GULP1: variants seen among roughly 807,000 people sequenced by gnomAD.
The protein encoded by GULP1 is GULP PTB domain containing engulfment adaptor 1.
GULP1 carries 19 observed loss-of-function variants against 40.9 expected under a neutral mutation model. The observed-to-expected ratio is 0.46, with a 90% CI of 0.32 to 0.68. GULP1 has a LOEUF of 0.68. GULP1 is among the 30% of genes least tolerant of loss of function. GULP1 has a pLI of 0.03. For missense variants in GULP1, 312 were observed against 362.2 expected, an observed-to-expected ratio of 0.86 and a Z score of 1.12; for synonymous variants, 119 against 117.6, an observed-to-expected ratio of 1.01 and a Z score of -0.08.
intron 7 of GULP1, among the ~76,000 whole-genome samples, chr2:188,546,836 A>G (rs1043012323): frequency 6.6e-6 from 1 of 152,026 alleles, no homozygotes; most frequent in African/African-American, 2.4e-5. Flanking sequence ...GAGAAGACAC[A>G]AGTTACCAAT....
chr2:188,509,875 C>T (rs2064325842), intron 4 of GULP1, among the ~76,000 whole-genome samples: 1 of 151,996 alleles, frequency 6.6e-6, no homozygotes, highest in Non-Finnish European at 1.5e-5. Flanking sequence ...GTGTGTGTAG[C>T]CTGTGGCAGC....
chr2:188,576,339 T>C lies in GULP1; in HGVS notation c.609+6219T>C, dbSNP rs1238838871. 2.0e-5 allele frequency among the ~76,000 whole-genome samples: 3 copies of C among 152,106 alleles called. No homozygotes were observed. In the South Asian group the frequency reaches 6.2e-4, roughly 32 times the overall value. ...CTTTGGTCACTGTGAGCTTATGTAA[T>C]TGAGTTCTAGCTAAAGAAAATAATA... On this transcript the variant is annotated intron_variant, in intron 9 of 11. Transcript: ENST00000409830.
At chr2:188,360,212 T>A (rs2045907108) in intron 1 of GULP1, among the ~76,000 whole-genome samples, 1 of 152,116 alleles carries the variant, frequency 6.6e-6, no homozygotes, top group South Asian at 2.1e-4. Flanking sequence ...GTGCCACTCA[T>A]GACTAAAACG....
chr2:188,317,085 G>A (rs2039200078), intron 1 of GULP1, among the ~76,000 whole-genome samples: 1 of 152,092 alleles, frequency 6.6e-6, no homozygotes, highest in South Asian at 2.1e-4. Flanking sequence ...AGCAAAATCG[G>A]TTTTTATCTC....
intron 1 of GULP1, among the ~76,000 whole-genome samples, chr2:188,320,915 GAA>G (rs201678768): frequency 2.2e-5 from 3 of 135,354 alleles, no homozygotes; most frequent in Non-Finnish European, 1.6e-5. Context: ...TCCTCCTCCA[GAA>G]AAAAAAAAAC....
At chr2:188,494,604 AC>A (rs1297887675) in intron 4 of GULP1, among the ~76,000 whole-genome samples, 1 of 151,470 alleles carries the variant, frequency 6.6e-6, no homozygotes, top group Non-Finnish European at 1.5e-5. Context: ...CATCAGGTGG[AC>A]CTCCTCTTCT....
At chr2:188,552,022 AT>A (rs896148708) in intron 7 of GULP1, among the ~76,000 whole-genome samples, 1,666 of 147,102 alleles carry the variant, frequency 0.011, 38 homozygotes, top group African/African-American at 0.038. Flanking sequence ...AAATGGGAAC[AT>A]TTTTTTTTTC....
chr2:188,435,035 ACT>A (rs1371409893), intron 2 of GULP1, among the ~76,000 whole-genome samples: 1 of 151,738 alleles, frequency 6.6e-6, no homozygotes, highest in Non-Finnish European at 1.5e-5. Flanking sequence ...TAATTTTGTA[ACT>A]CTCAATTCTG....
At chr2:188,510,089 C>T (rs1157162599) in intron 4 of GULP1, among the ~76,000 whole-genome samples, 1 of 151,936 alleles carries the variant, frequency 6.6e-6, no homozygotes, top group Non-Finnish European at 1.5e-5. Flanking sequence ...AATCTTCTCT[C>T]CAAAAGGGAA....
chr2:188,459,362 T>C (rs2152954948), intron 2 of GULP1, among the ~76,000 whole-genome samples: 1 of 152,282 alleles, frequency 6.6e-6, no homozygotes, highest in Non-Finnish European at 1.5e-5. Context: ...CATTTTTTAT[T>C]GCCTGTCTTT....
intron 2 of GULP1, among the ~76,000 whole-genome samples, chr2:188,399,843 T>A (rs1287100025): frequency 6.6e-6 from 1 of 152,148 alleles, no homozygotes; most frequent in Non-Finnish European, 1.5e-5. Flanking sequence ...ATTTGTTCTT[T>A]CTTGTGTACA....
intron 1 of GULP1, among the ~76,000 whole-genome samples, chr2:188,337,132 C>A (rs868388702): frequency 2.7e-4 from 29 of 108,254 alleles, no homozygotes; most frequent in African/African-American, 8.6e-4. Context: ...ATATCTATAT[C>A]TATATCTATC....
At chr2:188,533,709 A>G (rs1688149842) in intron 6 of GULP1, among the ~76,000 whole-genome samples, 1 of 152,228 alleles carries the variant, frequency 6.6e-6, no homozygotes. Flanking sequence ...AGAATGGGAT[A>G]AAGTATTTGC....
intron 1 of GULP1, among the ~76,000 whole-genome samples, chr2:188,379,824 G>A (rs142206003): frequency 6.6e-4 from 100 of 152,174 alleles, no homozygotes; most frequent in African/African-American, 2.2e-3. Context: ...TGGCGTGTTC[G>A]TTCTTATTCC....
intron 2 of GULP1, among the ~76,000 whole-genome samples, chr2:188,416,902 G>A (rs12474692): frequency 0.48 from 73,544 of 151,952 alleles, 18,237 homozygotes; most frequent in East Asian, 0.67. Context: ...TGAAGTAAAT[G>A]CCATGTCACA....
chr2:188,314,922 C>T (rs1019225874), intron 1 of GULP1, among the ~76,000 whole-genome samples: 1 of 152,102 alleles, frequency 6.6e-6, no homozygotes, highest in Admixed American at 6.6e-5. Context: ...TAGTAGCCAT[C>T]CCGTTATCAG....
intron 4 of GULP1, chr2:188,491,546 G>A (rs977656720): frequency 6.6e-6 from 1 of 152,062 alleles, no homozygotes; most frequent in Non-Finnish European, 1.5e-5. Context: ...AGAAATTGAT[G>A]TTATCAATGG....
intron 2 of GULP1, among the ~76,000 whole-genome samples, chr2:188,424,676 T>C (rs1012405488): frequency 3.0e-4 from 46 of 152,012 alleles, no homozygotes; most frequent in African/African-American, 1.1e-3. Context: ...TGTTTGTAAA[T>C]ATAACCTCTA....
At chr2:188,385,540 A>AT (rs377731163) in intron 2 of GULP1, among the ~76,000 whole-genome samples, 32 of 152,328 alleles carry the variant, frequency 2.1e-4, no homozygotes, top group African/African-American at 7.2e-4. Context: ...ATGCAAATTT[A>AT]TGCAGCTAGC....
Sources: allele counts gnomAD v4.1 joint callset (sites outside exome capture counted in the v4.1 genomes callset), GRCh38; gene constraint gnomAD v4.1.1; transcripts MANE v1.5; gene names NCBI Gene and HGNC (gene_info 2026-07-23, HGNC 2026-07-21).